Variants in CNBD1 observed in about 807,000 individuals in gnomAD.
CNBD1 encodes cyclic nucleotide binding domain containing 1.
A neutral mutation model predicts 54.4 loss-of-function variants in CNBD1; 71 were observed. The observed-to-expected ratio is 1.30, with a 90% CI of 1.08 to 1.59. The LOEUF (loss-of-function observed/expected upper bound fraction) is 1.59. Ranked by LOEUF, CNBD1 falls within the 40% of genes most tolerant of loss-of-function variation. CNBD1 has a pLI of 0.00. For missense variants in CNBD1, 659 were observed against 518.0 expected, an observed-to-expected ratio of 1.27 and a Z score of -2.64; for synonymous variants, 182 against 170.7, an observed-to-expected ratio of 1.07 and a Z score of -0.51.
intron 1 of CNBD1, among the ~76,000 whole-genome samples, chr8:86,871,057 T>G (rs1231666690): frequency 1.3e-5 from 2 of 152,212 alleles, no homozygotes; most frequent in African/African-American, 4.8e-5. Context: ...ACATTTAGTA[T>G]TTTTTTCCTA....
intron 4 of CNBD1, among the ~76,000 whole-genome samples, chr8:86,961,134 G>A (rs986557915): frequency 2.0e-5 from 3 of 152,096 alleles, no homozygotes; most frequent in South Asian, 2.1e-4. Context: ...ATGACAGTAA[G>A]TGTACAAATA....
At chr8:87,316,107 T>G (rs1293078543) in intron 8 of CNBD1, among the ~76,000 whole-genome samples, 1 of 152,026 alleles carries the variant, frequency 6.6e-6, no homozygotes, top group Non-Finnish European at 1.5e-5. Flanking sequence ...CATCTAAGAA[T>G]AATAAAAAAT....
chr8:86,877,873 T>G (rs570623559), intron 1 of CNBD1, among the ~76,000 whole-genome samples: 3 of 152,262 alleles, frequency 2.0e-5, no homozygotes, highest in Admixed American at 6.5e-5. Context: ...TTTCTTTATG[T>G]GTTTCCTATT....
chr8:86,969,312 G>A (rs746484341), intron 4 of CNBD1, among the ~76,000 whole-genome samples: 13 of 151,996 alleles, frequency 8.6e-5, no homozygotes, highest in Admixed American at 1.3e-4. Context: ...AAATAAGAAC[G>A]CAGATATTTT....
chr8:87,399,612 T>C (rs1807510527), intron 2 of CNBD1, among the ~76,000 whole-genome samples: 1 of 151,976 alleles, frequency 6.6e-6, no homozygotes, highest in African/African-American at 2.4e-5. Flanking sequence ...GCAGGAGTGT[T>C]ATTCAAAATA....
chr8:87,422,616 T>C (rs200436109), intron 2 of CNBD1, among the ~76,000 whole-genome samples: 12 of 152,122 alleles, frequency 7.9e-5, no homozygotes, highest in South Asian at 2.1e-4. Context: ...GGGCTCTGTT[T>C]TGTTCCATTG....
chr8:87,266,712 A>C (rs1808266504), intron 6 of CNBD1, among the ~76,000 whole-genome samples: 1 of 152,044 alleles, frequency 6.6e-6, no homozygotes, highest in African/African-American at 2.4e-5. Context: ...TCGGTCTCCC[A>C]AAGTGCTGGG....
chr8:87,275,730 A>G (rs1808465517), intron 6 of CNBD1, among the ~76,000 whole-genome samples: 1 of 151,852 alleles, frequency 6.6e-6, no homozygotes, highest in African/African-American at 2.4e-5. Flanking sequence ...CAGGGCAATT[A>G]GGCAGGAGAA....
At chr8:86,984,216 T>A (rs188422847) in intron 4 of CNBD1, among the ~76,000 whole-genome samples, 1 of 152,306 alleles carries the variant, frequency 6.6e-6, no homozygotes, top group African/African-American at 2.4e-5. Flanking sequence ...ATATTGAGTC[T>A]GTGAGTGCAC....
chr8:87,344,646 A>G (rs539755829), intron 8 of CNBD1, among the ~76,000 whole-genome samples: 11 of 152,192 alleles, frequency 7.2e-5, no homozygotes, highest in African/African-American at 1.7e-4. Flanking sequence ...ACCAAGCAGA[A>G]TATGTCTTGA....
chr8:87,428,245 A>G (rs16868510), intron 2 of CNBD1, among the ~76,000 whole-genome samples: 2,811 of 152,254 alleles, frequency 0.018, 83 homozygotes, highest in African/African-American at 0.06. Context: ...CAGCGGATAA[A>G]TGAATGGCTT....
chr8:87,209,913 G>C (rs1167541049), intron 5 of CNBD1, among the ~76,000 whole-genome samples: 2 of 152,136 alleles, frequency 1.3e-5, no homozygotes, highest in Non-Finnish European at 2.9e-5. Flanking sequence ...ACGTGTTCAG[G>C]GAGAAACCAG....
At chr8:86,972,987 A>G (rs1808260083) in intron 4 of CNBD1, among the ~76,000 whole-genome samples, 1 of 151,992 alleles carries the variant, frequency 6.6e-6, no homozygotes, top group Non-Finnish European at 1.5e-5. Context: ...CTTCCTATTT[A>G]CTTTTGTAAA....
chr8:87,057,750 G>A (rs1012081975), intron 4 of CNBD1, among the ~76,000 whole-genome samples: 3 of 152,136 alleles, frequency 2.0e-5, no homozygotes, highest in African/African-American at 7.2e-5. Context: ...TCAGGAGGCT[G>A]AGGCAGGAGA....
At chr8:86,914,450 T>C (rs981981267) in intron 3 of CNBD1, among the ~76,000 whole-genome samples, 1 of 152,238 alleles carries the variant, frequency 6.6e-6, no homozygotes, top group African/African-American at 2.4e-5. Context: ...TTAGCTTAGG[T>C]GTATAGCAGG....
chr8:87,197,812 G>A (rs987552731), intron 4 of CNBD1, among the ~76,000 whole-genome samples: 5 of 152,128 alleles, frequency 3.3e-5, no homozygotes, highest in African/African-American at 1.2e-4. Flanking sequence ...TTAGTCAATA[G>A]TGTTTATCAG....
At chr8:86,983,135 G>A (rs1228418785) in intron 4 of CNBD1, among the ~76,000 whole-genome samples, 1 of 152,044 alleles carries the variant, frequency 6.6e-6, no homozygotes, top group Admixed American at 6.6e-5. Context: ...GACCCCATGG[G>A]GAGGTAATTG....
At chr8:87,262,585 A>T (rs1808164699) in intron 6 of CNBD1, among the ~76,000 whole-genome samples, 1 of 152,284 alleles carries the variant, frequency 6.6e-6, no homozygotes, top group South Asian at 2.1e-4. Flanking sequence ...TAAGACATAT[A>T]TCTCCTGCCC....
At chr8:87,301,994 T>G (rs1339935639) in intron 8 of CNBD1, among the ~76,000 whole-genome samples, 1 of 152,060 alleles carries the variant, frequency 6.6e-6, no homozygotes, top group Admixed American at 6.6e-5. Flanking sequence ...AGGCAGTAAT[T>G]AATAGCTTAC....
Sources: gnomAD v4.1 joint callset for allele counts (sites outside exome capture counted in the v4.1 genomes callset) on GRCh38, gnomAD v4.1.1 for gene constraint, MANE v1.5 for transcripts, NCBI Gene and HGNC (gene_info 2026-07-23, HGNC 2026-07-21) for gene names.